The following RNF169 variants were observed in gnomAD, a reference collection of about 807,000 sequenced individuals.
RNF169 encodes the protein E3 ubiquitin-protein ligase RNF169.
In RNF169, 24 loss-of-function variants were observed where a neutral mutation model predicts 53.9. That is an observed-to-expected ratio of 0.45 (90% confidence interval 0.32 to 0.63). The LOEUF is 0.63. RNF169 is among the 20% of genes least tolerant of loss of function. The probability of loss-of-function intolerance (pLI) is 0.04; values close to 1 mark genes in which losing one functional copy is unlikely to be tolerated. For missense variants in RNF169, 883 were observed against 906.2 expected (o/e 0.97, Z 0.33); for synonymous variants, 396 against 363.5 (o/e 1.09, Z -1.02).
At chr11:74,789,504 C>T (rs1025202689) in intron 1 of RNF169, 122 bp from the exon 2 acceptor site, 31 of 603,394 alleles carry the variant, frequency 5.1e-5, no homozygotes, top group African/African-American at 1.7e-4. Context: ...TAAGACTTAG[C>T]GTTTATTCTG....
chr11:74,833,009 C>G (rs932286807), intron 4 of RNF169, among the ~76,000 whole-genome samples: 4 of 152,156 alleles, frequency 2.6e-5, no homozygotes, highest in Admixed American at 2.0e-4. Flanking sequence ...GATAGTACAA[C>G]TTTCACATCT....
At chr11:74,775,110 C>T (rs2035314112) in intron 1 of RNF169, among the ~76,000 whole-genome samples, 1 of 152,148 alleles carries the variant, frequency 6.6e-6, no homozygotes, top group Admixed American at 6.5e-5. Context: ...GTTTTCTTTT[C>T]AAGATAGATG....
chr11:74,792,111 GACCTGAAT>G (rs2035588087), intron 2 of RNF169, among the ~76,000 whole-genome samples: 2 of 152,340 alleles, frequency 1.3e-5, no homozygotes, highest in South Asian at 4.1e-4. Flanking sequence ...GTCAGATGTT[GACCTGAAT>G]CTTCGTGCTT....
rs761980050 is a variant in RNF169 at position 74,836,716 on chromosome 11, G to A, written c.2113G>A (p.Ala705Thr). 11 of 1,608,924 alleles carry A rather than the reference G, an allele frequency of 6.8e-6. No individual in the cohort carries two copies. The East Asian group carries it at 8.9e-5, about 13-fold the overall frequency. ...DQYLLRSSNM[A>T]GAK ...GTATCTCCTACGGTCCAGCAACATG[G>A]CCGGGGCCAAGTAGCACCTAATGAA... is the stretch of plus-strand genomic sequence containing the variant. Residue 705 changes from alanine to threonine, a missense_variant, in exon 6 of 6, where the codon GCC (alanine) becomes ACC (threonine). By Grantham distance (58) the Ala-to-Thr change is moderately conservative (BLOSUM62 0). Around this residue, in one of 3 missense-constraint regions of RNF169, gnomAD observed 351 missense variants for 337.3 expected, o/e 1.04. Transcript: ENST00000299563.
intron 1 of RNF169, among the ~76,000 whole-genome samples, chr11:74,779,183 A>C (rs577102): frequency 0.66 from 100,796 of 152,014 alleles, 34,381 homozygotes; most frequent in African/African-American, 0.81. Context: ...TGTCTTAGAT[A>C]GATTCCTAGA....
chr11:74,795,867 A>G (rs2035642193), intron 2 of RNF169, among the ~76,000 whole-genome samples: 1 of 152,092 alleles, frequency 6.6e-6, no homozygotes, highest in South Asian at 2.1e-4. Context: ...CAAAAAAAAT[A>G]AAAAATAAAG....
chr11:74,814,359 T>C (rs1335904026), intron 3 of RNF169, among the ~76,000 whole-genome samples: 1 of 146,626 alleles, frequency 6.8e-6, no homozygotes, highest in Non-Finnish European at 1.5e-5. Flanking sequence ...AAATAAATTG[T>C]AGGTGTTCTT....
intron 2 of RNF169, among the ~76,000 whole-genome samples, chr11:74,798,186 G>A (rs2035676491): frequency 1.3e-5 from 2 of 152,206 alleles, no homozygotes; most frequent in South Asian, 2.1e-4. Flanking sequence ...TTTAGGAAAC[G>A]AGAGATAACC....
intron 2 of RNF169, among the ~76,000 whole-genome samples, chr11:74,809,703 C>CGATAAA (rs1374091174): frequency 1.3e-5 from 2 of 152,196 alleles, no homozygotes; most frequent in Non-Finnish European, 2.9e-5. Context: ...TGTATCTTGA[C>CGATAAA]TTATCCTGTA....
At chr11:74,803,543 CAG>C (rs2035763557) in intron 2 of RNF169, among the ~76,000 whole-genome samples, 1 of 152,134 alleles carries the variant, frequency 6.6e-6, no homozygotes, top group South Asian at 2.1e-4. Context: ...TAAGTACTAA[CAG>C]GGAATATACA....
chr11:74,772,892 G>A (rs2035281012), intron 1 of RNF169, among the ~76,000 whole-genome samples: 1 of 152,068 alleles, frequency 6.6e-6, no homozygotes, highest in Non-Finnish European at 1.5e-5. Context: ...ACTGTGGATT[G>A]TACTAAAAGT....
chr11:74,794,927 G>A (rs1392754957), intron 2 of RNF169, among the ~76,000 whole-genome samples: 1 of 152,092 alleles, frequency 6.6e-6, no homozygotes, highest in Non-Finnish European at 1.5e-5. Context: ...AGCTTCCTGA[G>A]TAGCTGAAAG....
In RNF169 at chr11:74,811,460, C is replaced by G. The variant is rs2035874619; in HGVS notation, c.723+1130C>G. Among the ~76,000 whole-genome samples, 3 of 152,100 alleles carry G rather than the reference C, an allele frequency of 2.0e-5. No individual in the cohort carries two copies. In the South Asian group the frequency reaches 6.2e-4, roughly 32 times the overall value. On this transcript the variant is annotated intron_variant, in intron 3 of 5. Coordinates refer to ENST00000299563, the MANE Select transcript of RNF169 (RefSeq NM_001098638.2). The stretch of plus-strand genomic sequence containing the variant: ...ATTTTGCCCACACTGGTCTTGAACT[C>G]CTGGGTTCAAGTGATCTGTCCACCT...
intron 3 of RNF169, among the ~76,000 whole-genome samples, chr11:74,811,391 G>T (rs1591421166): frequency 6.6e-6 from 1 of 152,158 alleles, no homozygotes; most frequent in East Asian, 1.9e-4. Flanking sequence ...ACAGGCTTGT[G>T]CCACTATACC....
intron 1 of RNF169, among the ~76,000 whole-genome samples, chr11:74,759,761 C>G (rs1294880276): frequency 6.7e-6 from 1 of 148,574 alleles, no homozygotes; most frequent in Admixed American, 6.7e-5. Context: ...GGATATTGGT[C>G]TAAAATTCTC....
chr11:74,775,248 C>T (rs2035316040), intron 1 of RNF169, among the ~76,000 whole-genome samples: 1 of 152,150 alleles, frequency 6.6e-6, no homozygotes, highest in Admixed American at 6.5e-5. Flanking sequence ...AAGATGAGGT[C>T]TGAACACCTG....
In RNF169 at chr11:74,749,137, C is replaced by A; in HGVS notation, c.257C>A (p.Ser86Ter). 1 of 1,323,220 alleles carries A rather than the reference C, an allele frequency of 7.6e-7. No homozygotes were observed. 82.0% of individuals were successfully genotyped at this position (1,323,220 alleles called of 1,614,324 possible). A position where few individuals can be genotyped will look rare whatever the true frequency, so the allele number is the denominator to read the frequency against. ...GEAAALPCGHSLCRGCAQRAA... is the reference protein window; with the variant it reads ...GEAAALPCGH Reference sequence around the variant, plus strand: ...GCAGCGGCCCTGCCGTGCGGCCACTCGCTTTGCCGAGGCTGCGCCCAACGC... The same window carrying A: ...GCAGCGGCCCTGCCGTGCGGCCACTAGCTTTGCCGAGGCTGCGCCCAACGC... Residue 86 changes from serine to a stop codon, truncating the protein, a stop_gained, in exon 1 of 6, where the codon TCG (serine) becomes TAG (stop). Coordinates refer to ENST00000299563, the MANE Select transcript of RNF169 (RefSeq NM_001098638.2). LOFTEE classifies it high-confidence loss of function.
At chr11:74,830,923 G>A (rs1175205206) in intron 4 of RNF169, 2 of 152,054 alleles carry the variant, frequency 1.3e-5, no homozygotes, top group Non-Finnish European at 2.9e-5. Flanking sequence ...AAAAAGCTCA[G>A]TAGACACGCA....
At position 74,749,281 on chromosome 11, in the gene RNF169, G is replaced by T. The variant is rs1044309973; in HGVS notation, c.401G>T (p.Arg134Leu). 5 of 1,154,072 alleles carry T rather than the reference G, an allele frequency of 4.3e-6. No homozygotes were observed. The Admixed American group carries it at 1.4e-4, about 32-fold the overall frequency. The allele number at this position is 1,154,072 out of a possible 1,614,324, so 71.5% of individuals were successfully genotyped here. ...ADSEVLGECA[R>L]RSQPERCRPR... Reference sequence around the variant, plus strand: ...TCAGAGGTGCTGGGCGAGTGCGCCCGCCGCAGCCAACCCGAGCGCTGCCGC... The same window carrying T: ...TCAGAGGTGCTGGGCGAGTGCGCCCTCCGCAGCCAACCCGAGCGCTGCCGC... The change falls in exon 1 of 6, where the codon CGC becomes CTC. Residue 134 changes from arginine to leucine, a missense_variant. Around this residue, in one of 3 missense-constraint regions of RNF169, gnomAD observed 313 missense variants for 279.9 expected, o/e 1.12. Transcript: ENST00000299563.
Sources: gnomAD v4.1 joint callset for allele counts (sites outside exome capture counted in the v4.1 genomes callset) on GRCh38, gnomAD v4.1.1 for gene constraint, gnomAD v4.1.1 regional missense constraint, MANE v1.5 for transcripts, NCBI Gene and HGNC (gene_info 2026-07-23, HGNC 2026-07-21) for gene names.